The following IL10RA variants were observed in gnomAD, a reference collection of about 807,000 sequenced individuals.
The protein encoded by IL10RA is interleukin-10 receptor subunit alpha.
A neutral mutation model predicts 29.6 loss-of-function variants in IL10RA; 18 were observed. That is an observed-to-expected ratio of 0.61 (90% CI 0.42 to 0.90). The LOEUF is 0.90. Among genes scored for constraint, IL10RA ranks in the 40% least tolerant of loss-of-function variants. IL10RA has a pLI of 0.00. For synonymous variants in IL10RA, 292 were observed against 294.1 expected (o/e 0.99, Z 0.07); for missense variants, 634 against 716.6 (o/e 0.88, Z 1.32).
Position 117,995,727 on chromosome 11 carries a change from G to T in IL10RA, c.810+17G>T. The T allele has an allele frequency of 2.5e-6, 4 of 1,611,270 alleles. No homozygotes were observed. Among genetic ancestry groups the T allele is most frequent in the Non-Finnish European group, 3.4e-6 (4 of 1,179,912 alleles). ...AGTGTCCTGGTGAGTCTTGCAAGGA[G>T]GTCACTGCCCCGTCCTTCCCAGCCA... On this transcript the variant is annotated intron_variant, in intron 6 of 6. Transcript: ENST00000227752.
Position 117,999,462 on chromosome 11 carries a change from A to G in IL10RA, c.1558A>G (p.Thr520Ala). The G allele has an allele frequency of 2.5e-6, 4 of 1,614,204 alleles. No homozygotes were observed. The highest frequency in any genetic ancestry group is 3.4e-6 in the Non-Finnish European group (4 of 1,180,010). The change falls in exon 7 of 7, where the codon ACT becomes GCT. Residue 520 changes from threonine (T) to alanine (A), a missense_variant. Coordinates refer to ENST00000227752, the MANE Select transcript of IL10RA (RefSeq NM_001558.4). ...GAPTGQWNQP[T>A]EEWSLLALSS... is the part of the protein sequence containing the mutation. ...CCCAACGGGACAGTGGAACCAGCCC[A>G]CTGAGGAATGGTCACTCCTGGCCTT... is the stretch of plus-strand genomic sequence containing the variant.
intron 6 of IL10RA, among the ~76,000 whole-genome samples, chr11:117,997,168 G>A (rs1173067813): frequency 6.6e-6 from 1 of 152,180 alleles, no homozygotes; most frequent in East Asian, 1.9e-4. Flanking sequence ...GTGCCACTTT[G>A]TGCAAGTCAT....
In IL10RA at chr11:118,001,422, CA is replaced by C. The variant is rs1189595809; in HGVS notation, c.*1784del. ...AATGGGTATGAATGTGCCTTGAACA[CA>C]AAGCTCTGTCAATAAGTGATACATG... is the stretch of plus-strand genomic sequence containing the variant. On this transcript the variant is annotated 3_prime_UTR_variant, in exon 7 of 7. Transcript: ENST00000227752. The C allele has an allele frequency of 4.5e-6, 2 of 448,390 alleles. No homozygotes were observed. The highest frequency in any genetic ancestry group is 4.0e-5 in the African/African-American group (2 of 49,656). 27.8% of individuals were successfully genotyped at this position (448,390 alleles called of 1,614,324 possible). A position where few individuals can be genotyped will look rare whatever the true frequency, so the allele number is the denominator to read the frequency against.
intron 3 of IL10RA, among the ~76,000 whole-genome samples, chr11:117,991,373 C>A (rs1322653659): frequency 2.0e-5 from 3 of 152,118 alleles, no homozygotes; most frequent in African/African-American, 7.2e-5. Context: ...ATATCTATCA[C>A]CTCAAATATT....
In IL10RA at chr11:117,999,307, C is replaced by G. The variant is rs2058077720; in HGVS notation, c.1403C>G (p.Pro468Arg). ...ACAGGCTGCCTGGAGGAAGAATCGC[C>G]CTTGACAGATGGCCTTGGCCCCAAA... ...TKTGCLEEES[P>R]LTDGLGPKFG... Residue 468 changes from proline to arginine, a missense_variant, in exon 7 of 7, where the codon CCC becomes CGC. Pro to Arg is a moderately radical substitution (Grantham distance 103). Coordinates refer to ENST00000227752, the MANE Select transcript of IL10RA (RefSeq NM_001558.4). 6.2e-7 allele frequency: 1 copy of G among 1,614,096 alleles called. No individual in the cohort carries two copies. The highest frequency in any genetic ancestry group is 1.7e-5 in the Admixed American group (1 of 60,008).
downstream of IL10RA, chr11:118,001,647 C>A (rs1425721757): frequency 2.9e-6 from 1 of 346,608 alleles, no homozygotes; most frequent in Non-Finnish European, 5.7e-6. Flanking sequence ...CCTCATGCTA[C>A]CTGTATTGTG....
intron 2 of IL10RA, among the ~76,000 whole-genome samples, chr11:117,988,914 C>T (rs4252251): frequency 6.6e-6 from 1 of 152,102 alleles, no homozygotes; most frequent in African/African-American, 2.4e-5. Flanking sequence ...GGGTCCACCA[C>T]CATGCCTGGC....
intron 6 of IL10RA, among the ~76,000 whole-genome samples, chr11:117,998,362 G>C (rs1016661153): frequency 4.6e-5 from 7 of 152,110 alleles, no homozygotes; most frequent in African/African-American, 1.7e-4. Context: ...TTGAGTCATA[G>C]TCAAAAAAGT....
rs1271539679 is a variant in IL10RA at position 117,998,816 on chromosome 11, G to A, written c.912G>A (p.Val304=). ...TTGATGAGGAGGCCTTTTTGAAGGT[G>A]TCCCCAGAGCTGAAGAACTTGGACC... ...HPLDEEAFLK[V]SPELKNLDLH... is the part of the protein sequence containing the mutation. Residue 304 remains valine, a synonymous_variant, in exon 7 of 7, where the codon GTG becomes GTA. Coordinates refer to ENST00000227752, the MANE Select transcript of IL10RA (RefSeq NM_001558.4). 5.0e-6 allele frequency: 8 copies of A among 1,614,054 alleles called. No homozygotes were observed. The highest frequency in any genetic ancestry group is 2.2e-5 in the East Asian group (1 of 44,888).
At chr11:117,992,412 A>G (rs1358021656) in intron 3 of IL10RA, among the ~76,000 whole-genome samples, 1 of 152,076 alleles carries the variant, frequency 6.6e-6, no homozygotes, top group East Asian at 1.9e-4. Context: ...GTGGTATCTC[A>G]TTGTGGTTTT....
Position 117,989,679 on chromosome 11 carries a change from T to C in IL10RA, c.367+59T>C, listed in dbSNP as rs536390662. 67 of 1,536,002 alleles carry C rather than the reference T, an allele frequency of 4.4e-5. No homozygotes were observed. In the African/African-American group the frequency reaches 7.4e-4, roughly 17 times the overall value. The stretch of plus-strand genomic sequence containing the variant: ...TGAAGTCCCTTCCAGCCAGGAACTC[T>C]AGTCTAGAGCTTTTCTGTCTATTAC... On this transcript the variant is annotated intron_variant, in intron 3 of 6. Transcript: ENST00000227752. The surrounding 1 kb of genome is among the most constrained non-coding windows in gnomAD (Gnocchi z 4.5).
chr11:117,991,582 C>T (rs1430289092), intron 3 of IL10RA, among the ~76,000 whole-genome samples: 1 of 152,154 alleles, frequency 6.6e-6, no homozygotes, highest in African/African-American at 2.4e-5. Flanking sequence ...TTCTGGTAAC[C>T]ACTTCTACTC....
In IL10RA at chr11:118,000,912, C is replaced by G; in HGVS notation, c.*1271C>G. ...AGGGGGCATTATGGGCCCTGCCTCCCCATAGGCCATTTGGACTCTGCCTTC... is the reference window on the plus strand; with the variant it reads ...AGGGGGCATTATGGGCCCTGCCTCCGCATAGGCCATTTGGACTCTGCCTTC... On this transcript the variant is annotated 3_prime_UTR_variant, in exon 7 of 7. Transcript: ENST00000227752. The G allele has an allele frequency of 2.2e-6, 1 of 454,274 alleles. No individual in the cohort carries two copies. The highest frequency in any genetic ancestry group is 1.6e-5 in the South Asian group (1 of 64,478). The allele number at this position is 454,274 out of a possible 1,614,324, so 28.1% of individuals were successfully genotyped here.
At position 117,993,231 on chromosome 11, in the gene IL10RA, C is replaced by A. The variant is rs757507924; in HGVS notation, c.368-10C>A. 6.2e-7 allele frequency: 1 copy of A among 1,613,752 alleles called. No individual in the cohort carries two copies. The highest frequency in any genetic ancestry group is 1.7e-5 in the Admixed American group (1 of 60,016). On this transcript the variant is annotated splice_polypyrimidine_tract_variant and intron_variant, in intron 3 of 6. Transcript: ENST00000227752. ...CTCATGGTATTCCCCCCCACCCCAA[C>A]TCCATTTAGTGACTCTGACAGTTGG... is the stretch of plus-strand genomic sequence containing the variant.
In IL10RA at chr11:117,998,826, C is replaced by A. The variant is rs1213121269; in HGVS notation, c.922C>A (p.Leu308Met). Residue 308 changes from leucine (L) to methionine (M), a missense_variant, in exon 7 of 7, where the codon CTG becomes ATG. Transcript: ENST00000227752. ...EEAFLKVSPELKNLDLHGSTD... is the reference protein window; with the variant it reads ...EEAFLKVSPEMKNLDLHGSTD... ...GGCCTTTTTGAAGGTGTCCCCAGAG[C>A]TGAAGAACTTGGACCTGCACGGCAG... 2 of 1,614,196 alleles carry A rather than the reference C, an allele frequency of 1.2e-6. No individual in the cohort carries two copies.
chr11:117,998,899 A>G lies in IL10RA; in HGVS notation c.995A>G (p.Glu332Gly), dbSNP rs1369072629. Residue 332 changes from glutamate (E) to glycine (G), a missense_variant, in exon 7 of 7, where the codon GAG becomes GGG. Transcript: ENST00000227752. ...GSTKPSLQTE[E>G]PQFLLPDPHP... ...ACCAAGCCATCCCTGCAGACTGAAG[A>G]GCCCCAGTTCCTCCTCCCTGACCCT... The G allele has an allele frequency of 6.2e-7, 1 of 1,614,170 alleles. No individual in the cohort carries two copies. Among genetic ancestry groups the G allele is most frequent in the South Asian group, 1.1e-5 (1 of 91,084 alleles).
chr11:117,990,166 G>A (rs1432311388), intron 3 of IL10RA, among the ~76,000 whole-genome samples: 2 of 152,126 alleles, frequency 1.3e-5, no homozygotes, highest in South Asian at 2.1e-4. Context: ...TGGAGACCTC[G>A]CTCTGTAGGA....
intron 1 of IL10RA, 126 bp from the exon 2 acceptor site, chr11:117,988,256 C>T (rs2057999632): frequency 4.2e-6 from 5 of 1,200,662 alleles, no homozygotes; most frequent in Non-Finnish European, 6.1e-6. Context: ...CACTCTGCCC[C>T]TTACGGGCTC....
At chr11:118,002,777 A>C (rs2058103624), downstream of IL10RA, 1 of 152,196 alleles carries the variant, frequency 6.6e-6, no homozygotes, top group Non-Finnish European at 1.5e-5. Context: ...CCTTGGGAGA[A>C]ACTGAGCGAG....
Sources: allele counts gnomAD v4.1 joint callset (sites outside exome capture counted in the v4.1 genomes callset), GRCh38; gene constraint gnomAD v4.1.1; non-coding constraint Gnocchi (gnomAD v3.1); transcripts MANE v1.5; gene names NCBI Gene and HGNC (gene_info 2026-07-23, HGNC 2026-07-21).